The following SYNE1 variants were observed in gnomAD, a reference collection of about 807,000 sequenced individuals.
SYNE1 encodes the protein nesprin-1.
In SYNE1, 616 loss-of-function variants were observed where a neutral mutation model predicts 1,111.0. The ratio of observed to expected loss-of-function variants is 0.55; its 90% CI spans 0.52 to 0.59. The LOEUF (loss-of-function observed/expected upper bound fraction) is 0.59. Ranked by LOEUF, SYNE1 falls within the 20% of genes least tolerant of loss-of-function variation. The pLI, the probability that SYNE1 is intolerant of heterozygous loss-of-function variation, is 0.00. For missense variants in SYNE1, 10,006 were observed against 10,417.0 expected, an observed-to-expected ratio of 0.96 and a Z score of 1.72; for synonymous variants, 3,855 against 3,825.8, an observed-to-expected ratio of 1.01 and a Z score of -0.28.
chr6:152,466,055 G>T lies in SYNE1; in HGVS notation c.1656C>A (p.Phe552Leu). 6.2e-7 allele frequency: 1 copy of T among 1,610,658 alleles called. No individual in the cohort carries two copies. The highest frequency in any genetic ancestry group is 8.5e-7 in the Non-Finnish European group (1 of 1,177,350). The stretch of plus-strand genomic sequence containing the variant: ...GGTATGTCACCTCATATTGTTCAAA[G>T]AACTTGCTATTTTCTATAAAAGACT... ...NYVSFIENSK[F>L]FEQYEVTYQI... Residue 552 changes from phenylalanine to leucine, a missense_variant, in exon 17 of 146, where the codon TTC becomes TTA. This residue lies in a region of SYNE1 where 1,971 missense variants were observed against 2,084.1 expected (regional missense o/e 0.95). Transcript: ENST00000367255.
At chr6:152,588,590 C>T (rs2099547801) in intron 3 of SYNE1, among the ~76,000 whole-genome samples, 1 of 152,144 alleles carries the variant, frequency 6.6e-6, no homozygotes, top group Non-Finnish European at 1.5e-5. Flanking sequence ...GGTCAAGCTG[C>T]CCCTACATTA....
intron 87 of SYNE1, among the ~76,000 whole-genome samples, chr6:152,312,422 TG>T (rs1487338425): frequency 1.3e-5 from 2 of 151,158 alleles, no homozygotes; most frequent in Non-Finnish European, 2.9e-5. Flanking sequence ...TTGGTCAGGC[TG>T]GTCTCAAACT....
chr6:152,396,685 G>T lies in SYNE1; in HGVS notation c.7556+90C>A, dbSNP rs775604367. The T allele has an allele frequency of 5.0e-6, 6 of 1,206,630 alleles. No homozygotes were observed. The Admixed American group carries it at 8.5e-5, about 17-fold the overall frequency. The allele number at this position is 1,206,630 out of a possible 1,614,324, so 74.7% of individuals were successfully genotyped here. On this transcript the variant is annotated intron_variant, in intron 50 of 145. Transcript: ENST00000367255. ...ATAATTTAAACTCACAGTGTCAAAC[G>T]TTATTTATTTATTCACATGACTCTT... is the stretch of plus-strand genomic sequence containing the variant.
chr6:152,614,660 G>A (rs1394504455), intron 3 of SYNE1, among the ~76,000 whole-genome samples: 1 of 152,120 alleles, frequency 6.6e-6, no homozygotes, highest in Non-Finnish European at 1.5e-5. Flanking sequence ...TATAAATCAT[G>A]CTACTATAAG....
chr6:152,395,879 GATCCAAGCAGGAAAAGA>G (rs1305949906), intron 50 of SYNE1, among the ~76,000 whole-genome samples: 1 of 152,146 alleles, frequency 6.6e-6, no homozygotes, highest in African/African-American at 2.4e-5. Context: ...TTTCTTTTGA[GATCCAAGCAGGAAAAGA>G]ATCATCTCAC....
intron 55 of SYNE1, among the ~76,000 whole-genome samples, chr6:152,382,977 C>T (rs28375096): frequency 0.14 from 20,932 of 152,170 alleles, 2,908 homozygotes; most frequent in African/African-American, 0.35. Flanking sequence ...CGCCCTCACA[C>T]CCATATACAT....
chr6:152,135,226 G>A lies in SYNE1; in HGVS notation c.25666C>T (p.His8556Tyr), dbSNP rs753899724. 1.2e-6 allele frequency: 2 copies of A among 1,613,878 alleles called. No individual in the cohort carries two copies. Among genetic ancestry groups the A allele is most frequent in the South Asian group, 2.2e-5 (2 of 91,056 alleles). Residue 8556 changes from histidine (H) to tyrosine (Y), a missense_variant, in exon 142 of 146, where the codon CAT becomes TAT. Physicochemically the swap from His to Tyr is moderately conservative, Grantham distance 83. This residue lies in a region of SYNE1 where 761 missense variants were observed against 795.5 expected (regional missense o/e 0.96). Transcript: ENST00000367255. Reference protein sequence around the residue: ...QDALMQCQGFHEMSHGLLLML... With the variant: ...QDALMQCQGFYEMSHGLLLML... ...AGAAGCAAACCATGGCTCATTTCAT[G>A]GAAACCCTACAGAAAACAGTTTAAA...
chr6:152,358,350 T>G (rs1363038574), intron 66 of SYNE1, 23 bp downstream of exon 66: 1 of 1,613,994 alleles, frequency 6.2e-7, no homozygotes, highest in East Asian at 2.2e-5. Context: ...GATTCCTTTG[T>G]TTTAGGATAA....
intron 14 of SYNE1, chr6:152,472,722 T>C (rs1276637007): frequency 3.0e-6 from 2 of 669,600 alleles, no homozygotes; most frequent in African/African-American, 3.6e-5. Context: ...ATTACTGCTA[T>C]GAAATGATTT....
chr6:152,229,481 T>C (rs2082273272), intron 115 of SYNE1, among the ~76,000 whole-genome samples: 1 of 152,066 alleles, frequency 6.6e-6, no homozygotes, highest in South Asian at 2.1e-4. Context: ...CTTCTCCATG[T>C]GACAAAAAAG....
intron 11 of SYNE1, among the ~76,000 whole-genome samples, chr6:152,490,936 C>T (rs2098967075): frequency 6.6e-6 from 1 of 152,206 alleles, no homozygotes; most frequent in Non-Finnish European, 1.5e-5. Flanking sequence ...CTTTCAATCT[C>T]CCTGTCCTTC....
intron 56 of SYNE1, among the ~76,000 whole-genome samples, chr6:152,379,392 TA>T (rs1372958516): frequency 2.6e-5 from 4 of 152,116 alleles, no homozygotes; most frequent in Non-Finnish European, 1.5e-5. Context: ...TTATATTATA[TA>T]CTTTATAGAT....
chr6:152,143,232 C>A (rs2747660), intron 138 of SYNE1, among the ~76,000 whole-genome samples: 53,250 of 151,800 alleles, frequency 0.35, 10,381 homozygotes, highest in African/African-American at 0.51. Context: ...AAAGAACTAC[C>A]AAAAAAACTG....
chr6:152,367,665 C>T, intron 61 of SYNE1: 1 of 429,376 alleles, frequency 2.3e-6, no homozygotes, highest in Non-Finnish European at 4.3e-6. Context: ...TCCCTAATGC[C>T]TTGTCTGGGA....
Position 152,281,891 on chromosome 6 carries a change from G to A in SYNE1, c.18297C>T (p.Leu6099=), listed in dbSNP as rs765380984. The A allele has an allele frequency of 5.6e-6, 9 of 1,614,200 alleles. No individual in the cohort carries two copies. The South Asian group carries it at 9.9e-5, about 18-fold the overall frequency. Residue 6099 remains leucine, a synonymous_variant, in exon 97 of 146, where the codon CTC becomes CTT. Transcript: ENST00000367255. ...RCEADELDSW[L]LSTKATLDTA... ...TGTCCAGAGTGGCCTTGGTACTCAAGAGCCAGCTGTCCAGCTCATCGGCTT... is the reference window on the plus strand; with the variant it reads ...TGTCCAGAGTGGCCTTGGTACTCAAAAGCCAGCTGTCCAGCTCATCGGCTT...
At chr6:152,565,966 A>T (rs2099412158) in intron 3 of SYNE1, among the ~76,000 whole-genome samples, 1 of 152,236 alleles carries the variant, frequency 6.6e-6, no homozygotes. Flanking sequence ...GACTACATAC[A>T]TGGGTGATGG....
rs377747296 is a variant in SYNE1, at chr6:152,390,486, A to T, written c.8005-34T>A. 82 of 1,609,224 alleles carry T rather than the reference A, an allele frequency of 5.1e-5. No individual in the cohort carries two copies. In the African/African-American group the frequency reaches 1.0e-3, roughly 20 times the overall value. The stretch of plus-strand genomic sequence containing the variant: ...GAAGAAAGAATACTCATCAGTAGGC[A>T]TGTAAAAACCTTCTTCTATTTTAAA... On this transcript the variant is annotated intron_variant, in intron 52 of 145. Coordinates refer to ENST00000367255, the MANE Select transcript of SYNE1 (RefSeq NM_182961.4).
chr6:152,428,296 C>A lies in SYNE1; in HGVS notation c.4885G>T (p.Ala1629Ser). The change falls in exon 37 of 146, where the codon GCT becomes TCT. Residue 1629 changes from alanine to serine, a missense_variant. By Grantham distance (99) the Ala-to-Ser change is moderately conservative. This residue lies in a region of SYNE1 where 1,971 missense variants were observed against 2,084.1 expected (regional missense o/e 0.95). Coordinates refer to ENST00000367255, the MANE Select transcript of SYNE1 (RefSeq NM_182961.4). Reference protein sequence around the residue: ...VVNRDSCVQEAAALQQQYEDI... With the variant: ...VVNRDSCVQESAALQQQYEDI... ...TCGTATTGCTGCTGTAGAGCCGCAG[C>A]CTCCTGAACACAGGAATCTCTGTTC... 1 of 1,614,150 alleles carries A rather than the reference C, an allele frequency of 6.2e-7. No individual in the cohort carries two copies. Among genetic ancestry groups the A allele is most frequent in the Non-Finnish European group, 8.5e-7 (1 of 1,180,034 alleles).
At chr6:152,346,111 A>T (rs2096625496) in intron 73 of SYNE1, among the ~76,000 whole-genome samples, 2 of 152,152 alleles carry the variant, frequency 1.3e-5, no homozygotes. Context: ...CACATCAACT[A>T]TTTTTTTCTT....
Sources: gnomAD v4.1 joint callset for allele counts (sites outside exome capture counted in the v4.1 genomes callset) on GRCh38, gnomAD v4.1.1 for gene constraint, gnomAD v4.1.1 regional missense constraint, MANE v1.5 for transcripts, NCBI Gene and HGNC (gene_info 2026-07-23, HGNC 2026-07-21) for gene names.